TMEM50B: variants seen among roughly 807,000 people sequenced by gnomAD.
The protein encoded by TMEM50B is transmembrane protein 50B.
Under a neutral mutation model 23.4 loss-of-function variants are expected in TMEM50B, and 14 were observed. That is an observed-to-expected ratio of 0.60 (90% CI 0.39 to 0.93). The LOEUF is 0.93. Ranked by LOEUF, TMEM50B falls within the 40% of genes least tolerant of loss-of-function variation. The probability of loss-of-function intolerance (pLI) is 0.00; values close to 1 mark genes in which losing one functional copy is unlikely to be tolerated. For missense variants in TMEM50B, 159 were observed against 193.0 expected, an observed-to-expected ratio of 0.82 and a Z score of 1.04; for synonymous variants, 64 against 62.3, an observed-to-expected ratio of 1.03 and a Z score of -0.13.
chr21:33,467,190 TC>T, intron 2 of TMEM50B, 68 bp from the exon 3 acceptor site: 2 of 1,339,080 alleles, frequency 1.5e-6, no homozygotes, highest in Non-Finnish European at 2.1e-6. Context: ...TTTTTAACAT[TC>T]CTTTTGTCCT....
chr21:33,463,213 G>A (rs2084233025), intron 4 of TMEM50B, among the ~76,000 whole-genome samples: 1 of 152,122 alleles, frequency 6.6e-6, no homozygotes, highest in Admixed American at 6.6e-5. Flanking sequence ...AATTGCTTGA[G>A]CCTGGGAGGC....
chr21:33,445,470 A>T (rs1163733640), downstream of TMEM50B, among the ~76,000 whole-genome samples: 1 of 152,288 alleles, frequency 6.6e-6, no homozygotes, highest in Non-Finnish European at 1.5e-5. Flanking sequence ...AAAGCTAAAA[A>T]GTCATCAGAT....
At chr21:33,478,950 G>A (rs952971166) in intron 1 of TMEM50B, 7 of 406,544 alleles carry the variant, frequency 1.7e-5, no homozygotes, top group Non-Finnish European at 3.0e-5. Context: ...GTCTTACAGC[G>A]CGATGTAAGA....
At chr21:33,432,935 G>A in intron 8 of TMEM50B, 2 of 1,350,028 alleles carry the variant, frequency 1.5e-6, no homozygotes, top group Non-Finnish European at 2.1e-6. Flanking sequence ...GCCCAGGCGG[G>A]AGTGTCATGG....
chr21:33,438,808 C>T (rs1360083082), intron 8 of TMEM50B, among the ~76,000 whole-genome samples: 1 of 152,068 alleles, frequency 6.6e-6, no homozygotes, highest in Admixed American at 6.6e-5. Flanking sequence ...CAGCTCGCTG[C>T]AACCTCCACC....
In TMEM50B at chr21:33,450,721, T is replaced by C; in HGVS notation, c.*97A>G. 2 of 873,982 alleles carry C rather than the reference T, an allele frequency of 2.3e-6. No individual in the cohort carries two copies. Among genetic ancestry groups the C allele is most frequent in the Non-Finnish European group, 1.8e-6 (1 of 555,300 alleles). The allele number at this position is 873,982 out of a possible 1,614,324, so 54.1% of individuals were successfully genotyped here. On this transcript the variant is annotated 3_prime_UTR_variant, in exon 7 of 7. Coordinates refer to ENST00000542230, the MANE Select transcript of TMEM50B (RefSeq NM_006134.7). Reference sequence around the variant, plus strand: ...AAATGTAAAGAAACAAAACATTTAATGTACAATCTACTCCATTTGGCAATG... The same window carrying C: ...AAATGTAAAGAAACAAAACATTTAACGTACAATCTACTCCATTTGGCAATG...
intron 5 of TMEM50B, among the ~76,000 whole-genome samples, chr21:33,458,834 A>G (rs1247660291): frequency 1.3e-5 from 2 of 152,224 alleles, no homozygotes; most frequent in Non-Finnish European, 2.9e-5. Flanking sequence ...TTTTTAATTA[A>G]CTAAAAAACA....
chr21:33,464,804 C>CAAAGAAAAAAAAAAAA (rs2084249910), intron 4 of TMEM50B, among the ~76,000 whole-genome samples: 1 of 100,896 alleles, frequency 9.9e-6, no homozygotes, highest in Non-Finnish European at 2.2e-5. Flanking sequence ...AACTCCGTCT[C>CAAAGAAAAAAAAAAAA]AAAAAAAAAA....
chr21:33,454,667 A>T (rs535999223), intron 6 of TMEM50B, among the ~76,000 whole-genome samples: 12 of 149,552 alleles, frequency 8.0e-5, no homozygotes, highest in East Asian at 2.0e-4. Flanking sequence ...GTTGTTGTTA[A>T]TTTTTTTTTT....
chr21:33,435,631 TCCCAG>T (rs1423416167), intron 8 of TMEM50B, among the ~76,000 whole-genome samples: 97 of 152,220 alleles, frequency 6.4e-4, no homozygotes, highest in Admixed American at 1.3e-3. Context: ...ATGCCTGTAA[TCCCAG>T]CACTTTGAGA....
chr21:33,476,127 C>A (rs1365740332), intron 1 of TMEM50B, among the ~76,000 whole-genome samples: 1 of 152,196 alleles, frequency 6.6e-6, no homozygotes, highest in Non-Finnish European at 1.5e-5. Flanking sequence ...GGCACAGTGG[C>A]TCATGCCTGT....
At chr21:33,476,094 A>C (rs1226235170) in intron 1 of TMEM50B, among the ~76,000 whole-genome samples, 1 of 152,194 alleles carries the variant, frequency 6.6e-6, no homozygotes, top group African/African-American at 2.4e-5. Context: ...CAGCCTCTAA[A>C]TATAAAAGAA....
At chr21:33,471,015 G>C (rs988356878) in intron 1 of TMEM50B, among the ~76,000 whole-genome samples, 3 of 152,162 alleles carry the variant, frequency 2.0e-5, no homozygotes, top group Non-Finnish European at 4.4e-5. Context: ...GCAGCAAAAA[G>C]CCACAGTCTT....
chr21:33,462,277 A>G (rs1157433051), intron 4 of TMEM50B, among the ~76,000 whole-genome samples: 1 of 152,208 alleles, frequency 6.6e-6, no homozygotes, highest in Non-Finnish European at 1.5e-5. Context: ...CATGACTATA[A>G]GACAGTTTGT....
chr21:33,435,435 G>A (rs1407875811), intron 8 of TMEM50B, among the ~76,000 whole-genome samples: 1 of 151,962 alleles, frequency 6.6e-6, no homozygotes, highest in Non-Finnish European at 1.5e-5. Flanking sequence ...TTGCAAGGAA[G>A]AACTTGCTTT....
chr21:33,460,320 A>G (rs140867228), intron 5 of TMEM50B, 93 bp downstream of exon 5: 11,429 of 792,614 alleles, frequency 0.014, 113 homozygotes, highest in Non-Finnish European at 0.019. Flanking sequence ...CTAAGTGAAC[A>G]ATTATACTAA....
chr21:33,440,038 T>G (rs935754179), intron 7 of TMEM50B, among the ~76,000 whole-genome samples: 4 of 151,978 alleles, frequency 2.6e-5, no homozygotes, highest in African/African-American at 9.7e-5. Flanking sequence ...AGAGCAAGAC[T>G]CTGTCTCAAG....
exon 9 of TMEM50B, chr21:33,432,692 C>A: frequency 6.2e-7 from 1 of 1,613,142 alleles, no homozygotes; most frequent in Non-Finnish European, 8.5e-7. Flanking sequence ...TCATTCTGTT[C>A]ACTTTCGTGT....
At chr21:33,446,683 TAAGA>T (rs1184581632), downstream of TMEM50B, among the ~76,000 whole-genome samples, 3 of 54,558 alleles carry the variant, frequency 5.5e-5, no homozygotes, top group African/African-American at 7.3e-5. Flanking sequence ...AAAAAACCTC[TAAGA>T]AAGAAAAGAA....
Sources: allele counts gnomAD v4.1 joint callset (sites outside exome capture counted in the v4.1 genomes callset), GRCh38; gene constraint gnomAD v4.1.1; transcripts MANE v1.5; gene names NCBI Gene and HGNC (gene_info 2026-07-23, HGNC 2026-07-21).